The following AGMO variants were observed in gnomAD, a reference collection of about 807,000 sequenced individuals.
The protein encoded by AGMO is alkylglycerol monooxygenase.
Under a neutral mutation model 60.2 loss-of-function variants are expected in AGMO, and 75 were observed. The ratio of observed to expected loss-of-function variants is 1.25; its 90% confidence interval spans 1.03 to 1.51. The LOEUF (loss-of-function observed/expected upper bound fraction) is 1.51. AGMO is among the 40% of genes most tolerant of loss of function. The probability of loss-of-function intolerance (pLI) is 0.00; values close to 1 mark genes in which losing one functional copy is unlikely to be tolerated. For synonymous variants in AGMO, 261 were observed against 177.1 expected (o/e 1.47, Z -3.76); for missense variants, 763 against 525.5 (o/e 1.45, Z -4.42).
intron 12 of AGMO, among the ~76,000 whole-genome samples, chr7:15,244,591 C>T (rs1170968139): frequency 2.6e-5 from 4 of 152,094 alleles, no homozygotes; most frequent in Non-Finnish European, 4.4e-5. Context: ...ACCAGTACTT[C>T]TTTTCTGACT....
At chr7:15,539,410 C>T (rs1416178628) in intron 3 of AGMO, among the ~76,000 whole-genome samples, 1 of 152,122 alleles carries the variant, frequency 6.6e-6, no homozygotes, top group Non-Finnish European at 1.5e-5. Context: ...GTTTTCTCTT[C>T]CTTAGTTTGT....
Position 15,526,859 on chromosome 7 carries a change from T to C in AGMO, c.409+17913A>G, listed in dbSNP as rs146487397. Among the ~76,000 whole-genome samples, 782 of 152,306 alleles carry C rather than the reference T, an allele frequency of 5.1e-3. 3 individuals are homozygous for C. The highest frequency in any genetic ancestry group is 0.027 in the Middle Eastern group (8 of 294). On this transcript the variant is annotated intron_variant, in intron 3 of 12. Coordinates refer to ENST00000342526, the MANE Select transcript of AGMO (RefSeq NM_001004320.2). ...TATCACACACTGGTAATTCACACAA[T>C]ATTTCAAACTTTTTCATTATTATTG...
chr7:15,206,183 A>C (rs1781434534), intron 12 of AGMO, among the ~76,000 whole-genome samples: 1 of 152,146 alleles, frequency 6.6e-6, no homozygotes, highest in Admixed American at 6.5e-5. Flanking sequence ...CTAGAATATA[A>C]ATTAGAGCCA....
chr7:15,117,832 G>A, the AGMO span, among the ~76,000 whole-genome samples: 1 of 151,896 alleles, frequency 6.6e-6, no homozygotes, highest in African/African-American at 2.4e-5. Context: ...GTACAGGAGA[G>A]GAGAATCTAG....
At position 15,291,547 on chromosome 7, in the gene AGMO, G is replaced by T. The variant is rs553100116; in HGVS notation, c.1263+73967C>A. Among the ~76,000 whole-genome samples the T allele has an allele frequency of 1.1e-4, 16 of 152,172 alleles. No homozygotes were observed. In the South Asian group the frequency reaches 3.3e-3, roughly 32 times the overall value. ...GAAACTCTTTAGAACCCATGGAATA[G>T]TATCATAATCTTAAAATTTCTTTTT... On this transcript the variant is annotated intron_variant, in intron 12 of 12. Coordinates refer to ENST00000342526, the MANE Select transcript of AGMO (RefSeq NM_001004320.2).
chr7:15,428,409 A>T (rs758288626), intron 4 of AGMO, among the ~76,000 whole-genome samples: 1 of 152,290 alleles, frequency 6.6e-6, no homozygotes, highest in African/African-American at 2.4e-5. Flanking sequence ...TCGTTGCCTT[A>T]TTCAGCACAT....
chr7:15,372,089 A>T (rs1354274452), intron 10 of AGMO, among the ~76,000 whole-genome samples: 1 of 152,116 alleles, frequency 6.6e-6, no homozygotes, highest in East Asian at 1.9e-4. Flanking sequence ...TTCCTATGGA[A>T]CTTAAGTTTT....
Position 15,201,228 on chromosome 7 carries a change from GTCA to G in AGMO, c.*54_*56del. On this transcript the variant is annotated 3_prime_UTR_variant, in exon 13 of 13. Transcript: ENST00000342526. ...TAAAATAATTACATTTTAATATGCAGTCATAATATGCGTGTGGACAACTCATTA... is the reference window on the plus strand; with the variant it reads ...TAAAATAATTACATTTTAATATGCAGTAATATGCGTGTGGACAACTCATTA... The G allele has an allele frequency of 8.8e-7, 1 of 1,133,654 alleles. No individual in the cohort carries two copies. Among genetic ancestry groups the G allele is most frequent in the Non-Finnish European group, 1.3e-6 (1 of 786,656 alleles). The allele number at this position is 1,133,654 out of a possible 1,614,324, so 70.2% of individuals were successfully genotyped here. A position where few individuals can be genotyped will look rare whatever the true frequency, so the allele number is the denominator to read the frequency against.
chr7:15,171,710 G>A, the AGMO span, among the ~76,000 whole-genome samples: 1 of 152,104 alleles, frequency 6.6e-6, no homozygotes, highest in African/African-American at 2.4e-5. Context: ...TACCATGTGT[G>A]TTTTATAATT....
chr7:15,360,865 C>A (rs1782723517), intron 12 of AGMO, among the ~76,000 whole-genome samples: 1 of 152,068 alleles, frequency 6.6e-6, no homozygotes, highest in Non-Finnish European at 1.5e-5. Flanking sequence ...TGCCCTCATG[C>A]CCACACCTGA....
At chr7:15,283,927 A>T (rs1376044341) in intron 12 of AGMO, among the ~76,000 whole-genome samples, 1 of 152,086 alleles carries the variant, frequency 6.6e-6, no homozygotes, top group African/African-American at 2.4e-5. Context: ...CTCCAAAAGG[A>T]ACCCTCAAAC....
At chr7:15,237,782 T>C (rs978242334) in intron 12 of AGMO, among the ~76,000 whole-genome samples, 2 of 152,118 alleles carry the variant, frequency 1.3e-5, no homozygotes, top group Non-Finnish European at 2.9e-5. Context: ...TCTTCTTGAC[T>C]GTAGGCTTCA....
chr7:15,169,373 C>A, the AGMO span, among the ~76,000 whole-genome samples: 13 of 152,076 alleles, frequency 8.5e-5, no homozygotes, highest in Non-Finnish European at 1.9e-4. Context: ...ATTCTCAATT[C>A]GACTGAATTA....
intron 12 of AGMO, among the ~76,000 whole-genome samples, chr7:15,329,062 C>A (rs1316980211): frequency 6.6e-6 from 1 of 152,134 alleles, no homozygotes; most frequent in East Asian, 1.9e-4. Flanking sequence ...CTCCCCTGCA[C>A]CTCAAAAGTG....
At chr7:15,342,215 C>CT (rs1781878259) in intron 12 of AGMO, among the ~76,000 whole-genome samples, 2 of 122,216 alleles carry the variant, frequency 1.6e-5, no homozygotes, top group Non-Finnish European at 3.3e-5. Flanking sequence ...TCCTGAAGCA[C>CT]TAAGAGACTT....
chr7:15,146,819 T>G, the AGMO span, among the ~76,000 whole-genome samples: 3 of 152,150 alleles, frequency 2.0e-5, no homozygotes, highest in African/African-American at 7.2e-5. Context: ...TCTGAAACAG[T>G]AGCATCTCAA....
intron 12 of AGMO, among the ~76,000 whole-genome samples, chr7:15,325,254 T>G (rs1392010221): frequency 6.6e-6 from 1 of 152,106 alleles, no homozygotes; most frequent in Non-Finnish European, 1.5e-5. Flanking sequence ...TGACTTTACT[T>G]GGAAGGCATT....
intron 5 of AGMO, 39 bp from the exon 6 acceptor site, chr7:15,394,218 C>A: frequency 1.5e-6 from 2 of 1,365,496 alleles, no homozygotes; most frequent in Non-Finnish European, 2.1e-6. Context: ...ATGTAGTTAT[C>A]ATTAAATGTG....
chr7:15,152,989 C>A, the AGMO span, among the ~76,000 whole-genome samples: 1 of 152,148 alleles, frequency 6.6e-6, no homozygotes, highest in Non-Finnish European at 1.5e-5. Context: ...CTTTTCACCA[C>A]ATCCACAGCA....
Sources: allele counts gnomAD v4.1 joint callset (sites outside exome capture counted in the v4.1 genomes callset), GRCh38; gene constraint gnomAD v4.1.1; transcripts MANE v1.5; gene names NCBI Gene and HGNC (gene_info 2026-07-23, HGNC 2026-07-21).